The following CSMD1 variants were observed in gnomAD, a reference collection of about 807,000 sequenced individuals.
The protein encoded by CSMD1 is CUB and sushi domain-containing protein 1.
A neutral mutation model predicts 417.5 loss-of-function variants in CSMD1; 213 were observed. The observed-to-expected ratio is 0.51, with a 90% CI of 0.46 to 0.57. CSMD1 has a LOEUF of 0.57. Among genes scored for constraint, CSMD1 ranks in the 20% least tolerant of loss-of-function variants. CSMD1 has a pLI of 0.00. For synonymous variants in CSMD1, 2,862 were observed against 1,736.8 expected, an observed-to-expected ratio of 1.65 and a Z score of -16.11; for missense variants, 6,923 against 4,529.7, an observed-to-expected ratio of 1.53 and a Z score of -15.17.
At position 3,366,994 on chromosome 8, in the gene CSMD1, T is replaced by A. The variant is rs1291685514; in HGVS notation, c.3115+38A>T. On this transcript the variant is annotated intron_variant, in intron 20 of 69. Transcript: ENST00000635120. ...CTCACTAACAGAAATGGCAGTATTGTTGCCAGAGGAGAGAAACAGCAAACA... is the reference window on the plus strand; with the variant it reads ...CTCACTAACAGAAATGGCAGTATTGATGCCAGAGGAGAGAAACAGCAAACA... 3.4e-6 allele frequency: 5 copies of A among 1,483,932 alleles called. No individual in the cohort carries two copies. In the Admixed American group the frequency reaches 8.7e-5, roughly 26 times the overall value. The allele number at this position is 1,483,932 out of a possible 1,614,324, so 91.9% of individuals were successfully genotyped here. A position where few individuals can be genotyped will look rare whatever the true frequency, so the allele number is the denominator to read the frequency against.
rs1018456597 is a variant in CSMD1 at position 4,051,900 on chromosome 8, C to T, written c.416-19801G>A. ...CCTTTCTTCCTTCCTTCCTTCCTTC[C>T]TTCCTTCCTTCCTTTCTTTCTTTTT... On this transcript the variant is annotated intron_variant, in intron 3 of 69. Coordinates refer to ENST00000635120, the MANE Select transcript of CSMD1 (RefSeq NM_033225.6). Among the ~76,000 whole-genome samples, 38 of 142,694 alleles carry T rather than the reference C, an allele frequency of 2.7e-4. No homozygotes were observed. The East Asian group carries it at 7.2e-3, about 27-fold the overall frequency. The allele number at this position is 142,694 out of a possible 152,430, so 93.6% of individuals were successfully genotyped here.
chr8:4,242,190 T>A (rs1802444305), intron 3 of CSMD1, among the ~76,000 whole-genome samples: 1 of 152,154 alleles, frequency 6.6e-6, no homozygotes, highest in Non-Finnish European at 1.5e-5. Flanking sequence ...TATTAAAAAC[T>A]TTAAATAAAA....
At chr8:4,181,488 T>C (rs922932548) in intron 3 of CSMD1, among the ~76,000 whole-genome samples, 8 of 152,118 alleles carry the variant, frequency 5.3e-5, no homozygotes, top group East Asian at 3.9e-4. Context: ...TAACGATAAC[T>C]GATGAGCTTT....
chr8:4,036,839 C>G (rs1056651406), intron 3 of CSMD1, among the ~76,000 whole-genome samples: 6 of 152,218 alleles, frequency 3.9e-5, no homozygotes, highest in Admixed American at 6.5e-5. Context: ...GGGCCACCAC[C>G]TGTTCTTACC....
chr8:4,744,896 C>A (rs1021046289), intron 1 of CSMD1, among the ~76,000 whole-genome samples: 5 of 152,240 alleles, frequency 3.3e-5, no homozygotes, highest in African/African-American at 1.2e-4. Flanking sequence ...CACCATAATT[C>A]TAATGGCTCA....
At chr8:4,493,143 AT>A (rs965745312) in intron 2 of CSMD1, among the ~76,000 whole-genome samples, 9 of 151,846 alleles carry the variant, frequency 5.9e-5, no homozygotes, top group African/African-American at 1.7e-4. Context: ...AGAAGACTAG[AT>A]TTTTTTTTAA....
chr8:4,953,456 A>G (rs1223213342), intron 1 of CSMD1, among the ~76,000 whole-genome samples: 1 of 152,170 alleles, frequency 6.6e-6, no homozygotes, highest in African/African-American at 2.4e-5. Flanking sequence ...CAAATACTAA[A>G]TAATTGCTTT....
chr8:4,455,275 G>A (rs1799398882), intron 2 of CSMD1, among the ~76,000 whole-genome samples: 2 of 152,214 alleles, frequency 1.3e-5, no homozygotes, highest in Admixed American at 6.5e-5. Flanking sequence ...ATAGGAGAAG[G>A]AGAACTTCAT....
chr8:3,075,545 T>A (rs1440688422), intron 49 of CSMD1, among the ~76,000 whole-genome samples: 1 of 151,714 alleles, frequency 6.6e-6, no homozygotes, highest in Non-Finnish European at 1.5e-5. Context: ...CCTCCCAAAG[T>A]GCTGGGATGA....
intron 12 of CSMD1, among the ~76,000 whole-genome samples, chr8:3,443,373 A>C (rs1308202776): frequency 6.6e-6 from 1 of 152,224 alleles, no homozygotes; most frequent in Non-Finnish European, 1.5e-5. Context: ...CTACTATAGA[A>C]TGAGCTCCAG....
At chr8:4,441,260 GTTTT>G (rs34935169) in intron 2 of CSMD1, among the ~76,000 whole-genome samples, 1 of 67,002 alleles carries the variant, frequency 1.5e-5, no homozygotes, top group South Asian at 7.1e-4. Context: ...ACTACACTCA[GTTTT>G]TTTTTTTTTT....
At chr8:4,333,649 G>A (rs942166438) in intron 3 of CSMD1, among the ~76,000 whole-genome samples, 4 of 152,112 alleles carry the variant, frequency 2.6e-5, no homozygotes, top group African/African-American at 9.7e-5. Context: ...TAGACACACT[G>A]AGAACACATC....
intron 62 of CSMD1, among the ~76,000 whole-genome samples, 182 bp downstream of exon 62, chr8:2,960,959 T>C (rs913929984): frequency 1.5e-5 from 2 of 131,630 alleles, no homozygotes; most frequent in African/African-American, 3.5e-5. Flanking sequence ...TATATATATA[T>C]ATATATACAT....
At chr8:4,218,522 C>T (rs1800826246) in intron 3 of CSMD1, among the ~76,000 whole-genome samples, 1 of 152,162 alleles carries the variant, frequency 6.6e-6, no homozygotes, top group African/African-American at 2.4e-5. Context: ...TGCATTTATG[C>T]CTCTAAACTC....
intron 12 of CSMD1, among the ~76,000 whole-genome samples, chr8:3,439,309 A>ATATATATATATTTTTT: frequency 1.1e-3 from 67 of 62,406 alleles, no homozygotes; most frequent in Admixed American, 1.5e-3. Context: ...ATATATATAT[A>ATATATATATATTTTTT]TTTTTTTTTT....
chr8:3,857,204 A>T (rs1804372817), intron 5 of CSMD1, among the ~76,000 whole-genome samples: 2 of 152,176 alleles, frequency 1.3e-5, no homozygotes, highest in South Asian at 4.1e-4. Context: ...AAAGTTGTAC[A>T]GGAGGGAGTA....
intron 26 of CSMD1, among the ~76,000 whole-genome samples, chr8:3,269,846 C>T (rs1238874784): frequency 6.6e-6 from 1 of 152,248 alleles, no homozygotes. Context: ...GCTGGCAGGA[C>T]AGTGGACCTT....
At position 4,213,273 on chromosome 8, in the gene CSMD1, T is replaced by C. The variant is rs139083466; in HGVS notation, c.416-181174A>G. Among the ~76,000 whole-genome samples the C allele has an allele frequency of 3.7e-3, 558 of 152,282 alleles. 3 individuals are homozygous for C. Among genetic ancestry groups the C allele is most frequent in the African/African-American group, 0.012 (509 of 41,552 alleles). ...TCTGTCAGCAAGTGAGGCGGGGTCC[T>C]GTCAGGTCTAATGAGCAGCTCTGCT... On this transcript the variant is annotated intron_variant, in intron 3 of 69. Transcript: ENST00000635120.
At chr8:2,954,748 AC>A (rs1384630884) in intron 64 of CSMD1, among the ~76,000 whole-genome samples, 1 of 152,236 alleles carries the variant, frequency 6.6e-6, no homozygotes, top group African/African-American at 2.4e-5. Flanking sequence ...AGTTAGATTT[AC>A]GTCATAATTT....
Sources: allele counts gnomAD v4.1 joint callset (sites outside exome capture counted in the v4.1 genomes callset), GRCh38; gene constraint gnomAD v4.1.1; transcripts MANE v1.5; gene names NCBI Gene and HGNC (gene_info 2026-07-23, HGNC 2026-07-21).